Variants in DLC1 observed in about 807,000 individuals in gnomAD.
DLC1 encodes the protein rho GTPase-activating protein 7.
In DLC1, 54 loss-of-function variants were observed where a neutral mutation model predicts 140.3. The ratio of observed to expected loss-of-function variants is 0.38; its 90% CI spans 0.31 to 0.48. DLC1 has a LOEUF of 0.48. DLC1 is among the 20% of genes least tolerant of loss of function. The probability of loss-of-function intolerance (pLI) is 0.96; values close to 1 mark genes in which losing one functional copy is unlikely to be tolerated. For synonymous variants in DLC1, 986 were observed against 728.1 expected, an observed-to-expected ratio of 1.35 and a Z score of -5.70; for missense variants, 2,536 against 1,907.0, an observed-to-expected ratio of 1.33 and a Z score of -6.14.
chr8:13,358,677 G>A (rs1031331227), intron 4 of DLC1, among the ~76,000 whole-genome samples: 16 of 136,360 alleles, frequency 1.2e-4, no homozygotes, highest in African/African-American at 3.9e-4. Context: ...TAACATTTCT[G>A]CTAAGGAAGG....
rs1418164206 is a variant in DLC1 at position 13,247,351 on chromosome 8, G to A, written c.1348+57918C>T. Among the ~76,000 whole-genome samples the A allele has an allele frequency of 2.0e-5, 3 of 152,178 alleles. No homozygotes were observed. In the East Asian group the frequency reaches 5.8e-4, roughly 29 times the overall value. On this transcript the variant is annotated intron_variant, in intron 5 of 17. Coordinates refer to ENST00000276297, the MANE Select transcript of DLC1 (RefSeq NM_182643.3). ...ACTTTGCAAAGCAGTATCAACTATA[G>A]AAGACACAATACCTTTCAAAGAGTG...
intron 5 of DLC1, among the ~76,000 whole-genome samples, chr8:13,269,055 A>G (rs1404083348): frequency 6.6e-6 from 1 of 151,544 alleles, no homozygotes; most frequent in Non-Finnish European, 1.5e-5. Flanking sequence ...TTGTATTTTT[A>G]GTAGAGACGG....
At chr8:13,388,475 A>C (rs172322) in intron 4 of DLC1, among the ~76,000 whole-genome samples, 152,045 of 152,050 alleles carry the variant, frequency 1, 76,020 homozygotes, top group Middle Eastern at 1. Flanking sequence ...TTATCCTGAG[A>C]AAGTTTTATA....
chr8:13,125,083 T>A (rs1349464275), intron 5 of DLC1, among the ~76,000 whole-genome samples: 5 of 152,184 alleles, frequency 3.3e-5, no homozygotes, highest in African/African-American at 9.6e-5. Context: ...TTCAAGCCAT[T>A]CTCCTTCCTC....
At chr8:13,107,294 T>C (rs1006187690) in intron 7 of DLC1, among the ~76,000 whole-genome samples, 1 of 152,196 alleles carries the variant, frequency 6.6e-6, no homozygotes, top group African/African-American at 2.4e-5. Context: ...CCTACTTACT[T>C]CTTGACCAAA....
chr8:13,187,650 T>A (rs1011277046), intron 5 of DLC1, among the ~76,000 whole-genome samples: 1 of 152,166 alleles, frequency 6.6e-6, no homozygotes, highest in Non-Finnish European at 1.5e-5. Flanking sequence ...TTGGAGATAC[T>A]ATGTGGGAAG....
chr8:13,426,302 T>C (rs1741973808), intron 2 of DLC1, among the ~76,000 whole-genome samples: 1 of 152,136 alleles, frequency 6.6e-6, no homozygotes, highest in African/African-American at 2.4e-5. Flanking sequence ...CCACAAATAC[T>C]TTTCTTCTCC....
At chr8:13,258,449 C>T (rs910114370) in intron 5 of DLC1, among the ~76,000 whole-genome samples, 2 of 152,066 alleles carry the variant, frequency 1.3e-5, no homozygotes, top group Non-Finnish European at 2.9e-5. Flanking sequence ...ATATATATTC[C>T]CATTTACTTA....
intron 5 of DLC1, among the ~76,000 whole-genome samples, chr8:13,268,452 C>A (rs1206743944): frequency 1.3e-5 from 2 of 152,130 alleles, no homozygotes; most frequent in African/African-American, 4.8e-5. Flanking sequence ...GTAGCTGGGA[C>A]TACAGGCGCG....
chr8:13,311,893 T>G (rs1832675702), intron 4 of DLC1, among the ~76,000 whole-genome samples: 1 of 152,158 alleles, frequency 6.6e-6, no homozygotes, highest in African/African-American at 2.4e-5. Context: ...TGACATTTAA[T>G]GTATTTAAAG....
intron 1 of DLC1, chr8:13,568,307 C>T (rs1355193891): frequency 1.0e-5 from 2 of 190,536 alleles, no homozygotes; most frequent in Non-Finnish European, 1.2e-5. Context: ...CTGACTTGTG[C>T]GCCCGGATGA....
chr8:13,095,943 G>C (rs1322515996), intron 10 of DLC1: 1 of 152,172 alleles, frequency 6.6e-6, no homozygotes, highest in Non-Finnish European at 1.5e-5. Flanking sequence ...GGTTTCTAAA[G>C]GAAGATGGAA....
chr8:13,104,205 C>T (rs1426240756), intron 7 of DLC1, among the ~76,000 whole-genome samples: 1 of 151,988 alleles, frequency 6.6e-6, no homozygotes, highest in Non-Finnish European at 1.5e-5. Flanking sequence ...CAAATCTTAC[C>T]GGGTTCAAAA....
intron 2 of DLC1, among the ~76,000 whole-genome samples, chr8:13,421,114 G>T (rs939956099): frequency 8.5e-5 from 13 of 152,104 alleles, no homozygotes; most frequent in African/African-American, 2.2e-4. Flanking sequence ...CCATGAAAAA[G>T]ACACCATTTT....
At chr8:13,480,470 T>C (rs1392933856) in intron 2 of DLC1, among the ~76,000 whole-genome samples, 2 of 152,194 alleles carry the variant, frequency 1.3e-5, no homozygotes, top group Non-Finnish European at 2.9e-5. Context: ...CTTCTTCCTT[T>C]GGGTCCAATT....
chr8:13,513,036 A>T (rs1224906471), intron 1 of DLC1, among the ~76,000 whole-genome samples: 2 of 147,546 alleles, frequency 1.4e-5, no homozygotes, highest in Admixed American at 1.4e-4. Flanking sequence ...TCTACTGGAC[A>T]TGTTCATACT....
intron 2 of DLC1, among the ~76,000 whole-genome samples, chr8:13,495,465 G>A (rs1801458172): frequency 6.6e-6 from 1 of 152,014 alleles, no homozygotes; most frequent in South Asian, 2.1e-4. Flanking sequence ...CCAACCTTAT[G>A]GCACATTCAC....
At chr8:13,305,467 G>C (rs1454276856) in intron 4 of DLC1, among the ~76,000 whole-genome samples, 165 bp from the exon 5 acceptor site, 1 of 152,182 alleles carries the variant, frequency 6.6e-6, no homozygotes, top group African/African-American at 2.4e-5. Context: ...AGCTGTCTTT[G>C]ATAACTGTAA....
intron 5 of DLC1, among the ~76,000 whole-genome samples, chr8:13,139,594 A>C (rs1822823853): frequency 6.6e-6 from 1 of 152,224 alleles, no homozygotes; most frequent in Admixed American, 6.5e-5. Flanking sequence ...CTGATTTGAT[A>C]AATCAACCAG....
Sources: allele counts gnomAD v4.1 joint callset (sites outside exome capture counted in the v4.1 genomes callset), GRCh38; gene constraint gnomAD v4.1.1; transcripts MANE v1.5; gene names NCBI Gene and HGNC (gene_info 2026-07-23, HGNC 2026-07-21).